Variants in GLCCI1 observed in about 807,000 individuals in gnomAD.
GLCCI1 encodes the protein glucocorticoid-induced transcript 1 protein.
GLCCI1 carries 24 observed loss-of-function variants against 52.2 expected under a neutral mutation model. That is an observed-to-expected ratio of 0.46 (90% CI 0.33 to 0.65). GLCCI1 has a LOEUF of 0.65. Among genes scored for constraint, GLCCI1 ranks in the 30% least tolerant of loss-of-function variants. The pLI is 0.02. For synonymous variants in GLCCI1, 310 were observed against 276.5 expected (o/e 1.12, Z -1.20); for missense variants, 704 against 701.5 (o/e 1.00, Z -0.04).
intron 2 of GLCCI1, among the ~76,000 whole-genome samples, chr7:8,006,158 A>G (rs1419448620): frequency 1.3e-5 from 2 of 152,220 alleles, no homozygotes; most frequent in East Asian, 1.9e-4. Flanking sequence ...AGCCAGAGAA[A>G]GAGCGAAAGG....
In GLCCI1 at chr7:7,983,239, G is replaced by A. The variant is rs189231924; in HGVS notation, c.457+13432G>A. Among the ~76,000 whole-genome samples, 230 of 152,216 alleles carry A rather than the reference G, an allele frequency of 1.5e-3. 1 individual carries two copies. The highest frequency in any genetic ancestry group is 1.9e-3 in the South Asian group (9 of 4,822). ...TGTAAGAAACTGTATAAAATTGTAT[G>A]TAGGAATTTTAGGAAATAGGGAGGT... On this transcript the variant is annotated intron_variant, in intron 1 of 7. Transcript: ENST00000223145.
At chr7:8,051,203 A>C (rs929535782) in intron 3 of GLCCI1, among the ~76,000 whole-genome samples, 2 of 152,192 alleles carry the variant, frequency 1.3e-5, no homozygotes, top group Non-Finnish European at 2.9e-5. Flanking sequence ...CCTTTACATA[A>C]AGAGGGTGTG....
intron 6 of GLCCI1, among the ~76,000 whole-genome samples, chr7:8,073,587 T>C (rs1468344506): frequency 6.6e-6 from 1 of 152,190 alleles, no homozygotes; most frequent in Non-Finnish European, 1.5e-5. Context: ...TTAAAAAATA[T>C]TTCTTAGTAA....
At chr7:7,972,078 T>G (rs1780365697) in intron 1 of GLCCI1, among the ~76,000 whole-genome samples, 1 of 152,204 alleles carries the variant, frequency 6.6e-6, no homozygotes, top group Admixed American at 6.5e-5. Context: ...TTCTGTTTCC[T>G]TAGCCATTTA....
intron 5 of GLCCI1, chr7:8,070,538 ACAAG>A (rs1782737912): frequency 6.3e-6 from 1 of 159,252 alleles, no homozygotes; most frequent in East Asian, 1.9e-4. Flanking sequence ...ACTTTTTCTT[ACAAG>A]CAAGTCAAAG....
Position 8,087,965 on chromosome 7 carries a change from A to T in GLCCI1, c.*1427A>T, listed in dbSNP as rs1312372494. 1 of 152,426 alleles carries T rather than the reference A, an allele frequency of 6.6e-6. No individual in the cohort carries two copies. Among genetic ancestry groups the T allele is most frequent in the Non-Finnish European group, 1.5e-5 (1 of 68,026 alleles). 9.4% of individuals were successfully genotyped at this position (152,426 alleles called of 1,614,324 possible). ...GAGCCTAACTTTCATTGTTTTCTTC[A>T]GTACAAAGAGTATCCAAAAGCTAAG... On this transcript the variant is annotated 3_prime_UTR_variant, in exon 8 of 8. Transcript: ENST00000223145.
chr7:8,061,212 G>A (rs983797080), intron 5 of GLCCI1, among the ~76,000 whole-genome samples: 2 of 150,806 alleles, frequency 1.3e-5, no homozygotes, highest in African/African-American at 4.9e-5. Context: ...CCATTCTCCT[G>A]CCTCAGCCTC....
chr7:8,064,852 C>T (rs539248934), intron 5 of GLCCI1, among the ~76,000 whole-genome samples: 33 of 152,138 alleles, frequency 2.2e-4, no homozygotes, highest in Middle Eastern at 3.4e-3. Flanking sequence ...GCACTACAAG[C>T]GTGTGCCACC....
intron 3 of GLCCI1, among the ~76,000 whole-genome samples, chr7:8,040,903 G>A (rs1389802237): frequency 6.6e-5 from 10 of 152,052 alleles, no homozygotes; most frequent in Admixed American, 5.2e-4. Flanking sequence ...CACAATAATA[G>A]TGAAATAGGC....
chr7:8,022,589 C>A lies in GLCCI1; in HGVS notation c.696+20C>A. 6.7e-7 allele frequency: 1 copy of A among 1,493,832 alleles called. No individual in the cohort carries two copies. Among genetic ancestry groups the A allele is most frequent in the Non-Finnish European group, 9.1e-7 (1 of 1,103,304 alleles). The allele number at this position is 1,493,832 out of a possible 1,614,324, so 92.5% of individuals were successfully genotyped here. A position where few individuals can be genotyped will look rare whatever the true frequency, so the allele number is the denominator to read the frequency against. On this transcript the variant is annotated intron_variant, in intron 3 of 7. Transcript: ENST00000223145. Reference sequence around the variant, plus strand: ...AAAGAGGTAAGTTATTTCTGTTTTCCGTCTGTAACCTGTTTTGGTCCTAGT... The same window carrying A: ...AAAGAGGTAAGTTATTTCTGTTTTCAGTCTGTAACCTGTTTTGGTCCTAGT...
chr7:8,060,365 C>T, intron 5 of GLCCI1, 117 bp downstream of exon 5: 1 of 749,196 alleles, frequency 1.3e-6, no homozygotes, highest in Non-Finnish European at 2.2e-6. Flanking sequence ...CCAGTTTACT[C>T]ATTTAGTGTA....
At position 8,087,528 on chromosome 7, in the gene GLCCI1, T is replaced by C. The variant is rs1783142719; in HGVS notation, c.*990T>C. 1 of 152,622 alleles carries C rather than the reference T, an allele frequency of 6.6e-6. No individual in the cohort carries two copies. Among genetic ancestry groups the C allele is most frequent in the Admixed American group, 6.5e-5 (1 of 15,286 alleles). 9.5% of individuals were successfully genotyped at this position (152,622 alleles called of 1,614,324 possible). A position where few individuals can be genotyped will look rare whatever the true frequency, so the allele number is the denominator to read the frequency against. ...GAAGTGTTTGACGGAATGGTTGAGA[T>C]TTTTTTGTTTATGTTAGCCATCAGG... On this transcript the variant is annotated 3_prime_UTR_variant, in exon 8 of 8. Transcript: ENST00000223145.
chr7:8,012,828 G>A (rs1781297582), intron 2 of GLCCI1, among the ~76,000 whole-genome samples: 1 of 152,108 alleles, frequency 6.6e-6, no homozygotes, highest in Non-Finnish European at 1.5e-5. Context: ...TTTGTTGACT[G>A]TACTTTTGTT....
At chr7:8,015,553 C>T (rs1039806116) in intron 2 of GLCCI1, among the ~76,000 whole-genome samples, 1 of 152,138 alleles carries the variant, frequency 6.6e-6, no homozygotes, top group African/African-American at 2.4e-5. Flanking sequence ...ATCACCTTTA[C>T]TTTTTCTCTC....
intron 1 of GLCCI1, among the ~76,000 whole-genome samples, chr7:7,982,886 T>C (rs1295539452): frequency 6.6e-6 from 1 of 152,176 alleles, no homozygotes; most frequent in African/African-American, 2.4e-5. Context: ...ATTGTCTGTC[T>C]AGGAGTTATA....
chr7:8,032,883 G>A (rs1781785395), intron 3 of GLCCI1, among the ~76,000 whole-genome samples: 1 of 151,672 alleles, frequency 6.6e-6, no homozygotes, highest in African/African-American at 2.4e-5. Context: ...GAAAAGGAGG[G>A]AACACTCTCC....
intron 3 of GLCCI1, among the ~76,000 whole-genome samples, chr7:8,052,043 G>A (rs1782269660): frequency 6.6e-6 from 1 of 152,118 alleles, no homozygotes; most frequent in Non-Finnish European, 1.5e-5. Flanking sequence ...CTACCCTATA[G>A]GTCACCTTTG....
chr7:8,033,029 C>T lies in GLCCI1; in HGVS notation c.696+10460C>T, dbSNP rs1417395407. 2.6e-5 allele frequency among the ~76,000 whole-genome samples: 4 copies of T among 151,770 alleles called. No individual in the cohort carries two copies. The South Asian group carries it at 6.2e-4, about 24-fold the overall frequency. ...TAAAATATGAGCAAACCAAATCCAG[C>T]AATAAATAAGAGGGATTATATACCC... On this transcript the variant is annotated intron_variant, in intron 3 of 7. Coordinates refer to ENST00000223145, the MANE Select transcript of GLCCI1 (RefSeq NM_138426.4).
At chr7:8,049,850 G>A (rs1026683167) in intron 3 of GLCCI1, among the ~76,000 whole-genome samples, 62 of 152,254 alleles carry the variant, frequency 4.1e-4, no homozygotes, top group African/African-American at 1.5e-3. Context: ...TTTATTAGCT[G>A]TTTCACATTG....
Sources: gnomAD v4.1 joint callset for allele counts (sites outside exome capture counted in the v4.1 genomes callset) on GRCh38, gnomAD v4.1.1 for gene constraint, MANE v1.5 for transcripts, NCBI Gene and HGNC (gene_info 2026-07-23, HGNC 2026-07-21) for gene names.